Variants in CPPED1 observed in about 807,000 individuals in gnomAD.
CPPED1 encodes serine/threonine-protein phosphatase CPPED1.
In CPPED1, 28 loss-of-function variants were observed where a neutral mutation model predicts 28.0. The ratio of observed to expected loss-of-function variants is 1.00; its 90% confidence interval spans 0.74 to 1.37. CPPED1 has a LOEUF of 1.37. Ranked by LOEUF, CPPED1 falls within the 40% of genes most tolerant of loss-of-function variation. The pLI, the probability that CPPED1 is intolerant of heterozygous loss-of-function variation, is 0.00. For missense variants in CPPED1, 504 were observed against 416.5 expected, an observed-to-expected ratio of 1.21 and a Z score of -1.83; for synonymous variants, 198 against 180.2, an observed-to-expected ratio of 1.10 and a Z score of -0.79.
At chr16:12,740,311 G>A (rs905350915) in intron 2 of CPPED1, among the ~76,000 whole-genome samples, 9 of 152,054 alleles carry the variant, frequency 5.9e-5, no homozygotes, top group South Asian at 2.1e-4. Flanking sequence ...CGGGCATGAC[G>A]GCAGGCACCT....
chr16:12,675,084 T>C (rs574647075), intron 3 of CPPED1, among the ~76,000 whole-genome samples: 1 of 152,306 alleles, frequency 6.6e-6, no homozygotes, highest in Non-Finnish European at 1.5e-5. Flanking sequence ...GTTTTACCCA[T>C]CTCAGCTTTC....
intron 2 of CPPED1, among the ~76,000 whole-genome samples, chr16:12,718,546 AAAAAAAAAAAAG>A (rs1260466482): frequency 2.0e-5 from 3 of 151,556 alleles, no homozygotes; most frequent in Non-Finnish European, 4.4e-5. Context: ...CTTAAAAAAA[AAAAAAAAAAAAG>A]AAAGAAAAAA....
intron 1 of CPPED1, among the ~76,000 whole-genome samples, chr16:12,791,679 G>T (rs8043820): frequency 9.9e-5 from 15 of 152,002 alleles, no homozygotes; most frequent in Non-Finnish European, 1.5e-4. Flanking sequence ...CCCTACTCCA[G>T]TCCATCTCAG....
At chr16:12,672,742 G>C (rs994811895) in intron 3 of CPPED1, among the ~76,000 whole-genome samples, 2 of 152,114 alleles carry the variant, frequency 1.3e-5, no homozygotes, top group Non-Finnish European at 2.9e-5. Context: ...CGAATTAATC[G>C]GGTGATTGGG....
chr16:12,767,272 G>A (rs143075037), intron 2 of CPPED1, among the ~76,000 whole-genome samples: 54 of 152,248 alleles, frequency 3.5e-4, no homozygotes, highest in Non-Finnish European at 7.4e-4. Flanking sequence ...GGCAGGAGAA[G>A]GTAGACGTCT....
At chr16:12,716,908 C>G (rs538294669) in intron 2 of CPPED1, among the ~76,000 whole-genome samples, 1 of 151,242 alleles carries the variant, frequency 6.6e-6, no homozygotes, top group Non-Finnish European at 1.5e-5. Flanking sequence ...AGTTACGACA[C>G]GGAAGCACTG....
intron 2 of CPPED1, among the ~76,000 whole-genome samples, chr16:12,750,993 C>CA (rs1436236850): frequency 6.0e-5 from 9 of 151,002 alleles, no homozygotes; most frequent in African/African-American, 1.5e-4. Flanking sequence ...AACAAACAAA[C>CA]AACAACAACA....
rs768075830 is a variant in CPPED1, at chr16:12,704,925, G to A, written c.414C>T (p.Thr138=). The change falls in exon 3 of 4, where the codon ACC becomes ACT. Residue 138 remains threonine (T), a synonymous_variant. Coordinates refer to ENST00000381774, the MANE Select transcript of CPPED1 (RefSeq NM_018340.3). The part of the protein sequence containing the change: ...HDIGNTPTAE[T]VEEFCRTWGD... ...CCCAAGTCCGGCAGAACTCCTCGAC[G>A]GTCTCGGCCGTGGGGGTGTTGCCAA... is the stretch of plus-strand genomic sequence containing the variant. The A allele has an allele frequency of 9.9e-6, 16 of 1,614,032 alleles. No individual in the cohort carries two copies. Among genetic ancestry groups the A allele is most frequent in the Admixed American group, 3.3e-5 (2 of 60,004 alleles).
chr16:12,663,848 G>A lies in CPPED1; in HGVS notation c.*1038C>T, dbSNP rs2079810184. 1 of 152,190 alleles carries A rather than the reference G, an allele frequency of 6.6e-6. No homozygotes were observed. Among genetic ancestry groups the A allele is most frequent in the African/African-American group, 2.4e-5 (1 of 41,442 alleles). The allele number at this position is 152,190 out of a possible 1,614,324, so 9.4% of individuals were successfully genotyped here. ...AGCAGTGGTCAGAAGCTGCTGAGAA[G>A]ATGCGGTAAAACAGGTTACATAAAA... On this transcript the variant is annotated 3_prime_UTR_variant, in exon 4 of 4. Coordinates refer to ENST00000381774, the MANE Select transcript of CPPED1 (RefSeq NM_018340.3).
chr16:12,708,040 G>A (rs1248668608), intron 2 of CPPED1, among the ~76,000 whole-genome samples: 5 of 152,108 alleles, frequency 3.3e-5, no homozygotes, highest in African/African-American at 9.7e-5. Flanking sequence ...CCAGCTACTC[G>A]GGAGGCTGAG....
At chr16:12,668,523 TC>T (rs2079837763) in intron 3 of CPPED1, among the ~76,000 whole-genome samples, 1 of 152,160 alleles carries the variant, frequency 6.6e-6, no homozygotes, top group Non-Finnish European at 1.5e-5. Context: ...ACTTTTGTGC[TC>T]CCAAAACATT....
chr16:12,706,556 G>GAAAAAAAAAAAAAAAAAAAAACAA, intron 2 of CPPED1, among the ~76,000 whole-genome samples: 1 of 104,876 alleles, frequency 9.5e-6, no homozygotes. Flanking sequence ...AATTTTCACC[G>GAAAAAAAAAAAAAAAAAAAAACAA]AAAAAAAAAA....
rs1268369496 is a variant in CPPED1 at position 12,664,256 on chromosome 16, AG to A, written c.*629del. ...GCAAAGGTGACTTTTCTAGGCACCC[AG>A]GAAGGCAAATTTAAGCTCCGAGCTG... On this transcript the variant is annotated 3_prime_UTR_variant, in exon 4 of 4. Coordinates refer to ENST00000381774, the MANE Select transcript of CPPED1 (RefSeq NM_018340.3). The surrounding 1 kb of genome is among the most constrained non-coding windows in gnomAD (Gnocchi z 4.2). The A allele has an allele frequency of 6.2e-6, 4 of 648,658 alleles. No individual in the cohort carries two copies. In the Admixed American group the frequency reaches 2.5e-4, roughly 41 times the overall value. The allele number at this position is 648,658 out of a possible 1,614,324, so 40.2% of individuals were successfully genotyped here. A position where few individuals can be genotyped will look rare whatever the true frequency, so the allele number is the denominator to read the frequency against.
chr16:12,681,538 CTGAT>C (rs2079904852), intron 3 of CPPED1, among the ~76,000 whole-genome samples: 1 of 152,166 alleles, frequency 6.6e-6, no homozygotes, highest in Non-Finnish European at 1.5e-5. Flanking sequence ...CATACCTCAC[CTGAT>C]TAACGATTCA....
intron 2 of CPPED1, among the ~76,000 whole-genome samples, chr16:12,736,779 G>A (rs945016992): frequency 6.6e-6 from 1 of 152,218 alleles, no homozygotes; most frequent in East Asian, 1.9e-4. Flanking sequence ...AATGGAGAAA[G>A]ATGGATGATC....
chr16:12,782,584 G>A (rs2080538932), intron 1 of CPPED1, among the ~76,000 whole-genome samples: 1 of 150,598 alleles, frequency 6.6e-6, no homozygotes, highest in Non-Finnish European at 1.5e-5. Flanking sequence ...GTATGGCCAG[G>A]TACAGTGGTT....
At chr16:12,684,995 C>A (rs914243093) in intron 3 of CPPED1, among the ~76,000 whole-genome samples, 9 of 152,204 alleles carry the variant, frequency 5.9e-5, no homozygotes, top group Non-Finnish European at 1.0e-4. Context: ...TACAAAAGAA[C>A]TGCCATGTTC....
At chr16:12,801,995 C>A (rs2080663006) in intron 1 of CPPED1, among the ~76,000 whole-genome samples, 1 of 152,136 alleles carries the variant, frequency 6.6e-6, no homozygotes, top group Non-Finnish European at 1.5e-5. Flanking sequence ...GGCGAGGCAA[C>A]CCCACAGAGT....
At position 12,663,172 on chromosome 16, in the gene CPPED1, T is replaced by TGCCTC. The variant is rs2079805942; in HGVS notation, c.*1709_*1713dup. ...TGCCTCCTGAGTTCCAGCGATCTCC[T>TGCCTC]GCCTCAGCCTCCCGAGTAGCTGGGA... On this transcript the variant is annotated 3_prime_UTR_variant, in exon 4 of 4. Transcript: ENST00000381774. 2 of 151,124 alleles carry TGCCTC rather than the reference T, an allele frequency of 1.3e-5. No individual in the cohort carries two copies. Among genetic ancestry groups the TGCCTC allele is most frequent in the Admixed American group, 1.3e-4 (2 of 15,124 alleles). 9.4% of individuals were successfully genotyped at this position (151,124 alleles called of 1,614,324 possible). A position where few individuals can be genotyped will look rare whatever the true frequency, so the allele number is the denominator to read the frequency against.
Sources: allele counts gnomAD v4.1 joint callset (sites outside exome capture counted in the v4.1 genomes callset), GRCh38; gene constraint gnomAD v4.1.1; non-coding constraint Gnocchi (gnomAD v3.1); transcripts MANE v1.5; gene names NCBI Gene and HGNC (gene_info 2026-07-23, HGNC 2026-07-21).